Variants in KANSL1L observed in about 807,000 individuals in gnomAD.
KANSL1L encodes KAT8 regulatory NSL complex subunit 1 like.
A neutral mutation model predicts 108.6 loss-of-function variants in KANSL1L; 25 were observed. The ratio of observed to expected loss-of-function variants is 0.23; its 90% CI spans 0.17 to 0.32. The LOEUF (loss-of-function observed/expected upper bound fraction) is 0.32, where lower values mean the gene tolerates loss of function less well. Ranked by LOEUF, KANSL1L falls within the 10% of genes least tolerant of loss-of-function variation. KANSL1L has a pLI of 1.00. For missense variants in KANSL1L, 1,137 were observed against 1,125.7 expected, an observed-to-expected ratio of 1.01 and a Z score of -0.14; for synonymous variants, 405 against 395.1, an observed-to-expected ratio of 1.03 and a Z score of -0.30.
chr2:210,096,620 A>G (rs761197235), intron 5 of KANSL1L: 87 of 985,222 alleles, frequency 8.8e-5, no homozygotes, highest in Non-Finnish European at 1.0e-4. Context: ...TTATACACCA[A>G]TTTGATGTGT....
intron 1 of KANSL1L, among the ~76,000 whole-genome samples, chr2:210,164,696 C>G (rs2095377801): frequency 6.6e-6 from 1 of 151,826 alleles, no homozygotes; most frequent in Admixed American, 6.6e-5. Context: ...ATCAAACTTA[C>G]AGAATTTAAG....
chr2:210,075,786 G>A lies in KANSL1L; in HGVS notation c.1551-30C>T, dbSNP rs1458409069. ...AATGCCATGAAATAATTAGGGCGTG[G>A]GAAGGGAATAAAACAAAACAAAACA... On this transcript the variant is annotated intron_variant, in intron 5 of 14. Coordinates refer to ENST00000281772, the MANE Select transcript of KANSL1L (RefSeq NM_152519.4). 11 of 1,519,724 alleles carry A rather than the reference G, an allele frequency of 7.2e-6. No individual in the cohort carries two copies. The Middle Eastern group carries it at 5.3e-4, about 73-fold the overall frequency. 94.1% of individuals were successfully genotyped at this position (1,519,724 alleles called of 1,614,324 possible). A position where few individuals can be genotyped will look rare whatever the true frequency, so the allele number is the denominator to read the frequency against.
Position 210,023,000 on chromosome 2 carries a change from T to C in KANSL1L, c.2913A>G (p.Glu971=). The C allele has an allele frequency of 6.2e-7, 1 of 1,613,990 alleles. No homozygotes were observed. The highest frequency in any genetic ancestry group is 2.2e-5 in the East Asian group (1 of 44,866). ...GTCCTAGACCAAAGGTTTTGTATTCTTCCATTCCATCTGACTGCTTTTTTG... is the reference window on the plus strand; with the variant it reads ...GTCCTAGACCAAAGGTTTTGTATTCCTCCATTCCATCTGACTGCTTTTTTG... ...HHPKKQSDGM[E]EYKTFGLGLT... The change falls in exon 15 of 15, where the codon GAA becomes GAG. Residue 971 remains glutamate (E), a synonymous_variant. Transcript: ENST00000281772.
In KANSL1L at chr2:210,154,545, A is replaced by G; in HGVS notation, c.38T>C (p.Ile13Thr). Residue 13 changes from isoleucine to threonine, a missense_variant, in exon 2 of 15, where the codon ATC becomes ACC. Physicochemically the swap from Ile to Thr is moderately conservative, Grantham distance 89 (BLOSUM62 -1). Coordinates refer to ENST00000281772, the MANE Select transcript of KANSL1L (RefSeq NM_152519.4). ...PALREATAKG[I>T]SFSSLPSTME... ...GGTACTTGGCAAAGATGAAAAGCTG[A>G]TACCCTTTGCTGTTGCCTCCCTCAG... The G allele has an allele frequency of 1.3e-6, 2 of 1,564,250 alleles. No homozygotes were observed. Among genetic ancestry groups the G allele is most frequent in the Non-Finnish European group, 1.7e-6 (2 of 1,154,596 alleles).
At chr2:210,096,615 C>T (rs2094738195) in intron 5 of KANSL1L, 1 of 985,174 alleles carries the variant, frequency 1.0e-6, no homozygotes, top group Non-Finnish European at 1.2e-6. Context: ...AATGCTTATA[C>T]ACCAATTTGA....
Position 210,025,097 on chromosome 2 carries a change from A to C in KANSL1L, c.2564+7T>G. On this transcript the variant is annotated splice_region_variant and intron_variant, in intron 13 of 14. Transcript: ENST00000281772. ...CTATGGCTTGGGGTTTTAAATTTGT[A>C]ACCTGCCTGCTGTTTCTTCTGTGCC... is the stretch of plus-strand genomic sequence containing the variant. 2 of 1,563,904 alleles carry C rather than the reference A, an allele frequency of 1.3e-6. No homozygotes were observed. Among genetic ancestry groups the C allele is most frequent in the Non-Finnish European group, 1.8e-6 (2 of 1,134,190 alleles).
At chr2:210,039,025 CTA>C (rs2094137369) in intron 8 of KANSL1L, among the ~76,000 whole-genome samples, 1 of 151,874 alleles carries the variant, frequency 6.6e-6, no homozygotes, top group Admixed American at 6.5e-5. Context: ...CCTTCTGTCT[CTA>C]GGCTTTTTTT....
At chr2:210,136,255 GTCT>G (rs1310051149) in intron 2 of KANSL1L, among the ~76,000 whole-genome samples, 3 of 151,774 alleles carry the variant, frequency 2.0e-5, no homozygotes, top group Non-Finnish European at 4.4e-5. Context: ...GGCAAATTTA[GTCT>G]TCTTCTCTTA....
intron 7 of KANSL1L, 68 bp downstream of exon 7, chr2:210,043,871 T>C: frequency 2.9e-6 from 3 of 1,037,904 alleles, no homozygotes; most frequent in Non-Finnish European, 4.1e-6. Context: ...TTAGATTCTC[T>C]GTATTTAGAG....
At chr2:210,138,600 T>A (rs1022930158) in intron 2 of KANSL1L, among the ~76,000 whole-genome samples, 1 of 152,220 alleles carries the variant, frequency 6.6e-6, no homozygotes, top group African/African-American at 2.4e-5. Context: ...AAAATCTTTT[T>A]TAGCTTTATT....
chr2:210,023,473 T>G (rs768134382), intron 14 of KANSL1L, among the ~76,000 whole-genome samples: 21 of 152,214 alleles, frequency 1.4e-4, no homozygotes, highest in Non-Finnish European at 2.4e-4. Flanking sequence ...TTCTTAGGTT[T>G]GATATACTTC....
intron 2 of KANSL1L, chr2:210,153,016 TAACA>T (rs1184316959): frequency 2.0e-5 from 3 of 153,584 alleles, no homozygotes; most frequent in African/African-American, 4.8e-5. Context: ...CACAATAATT[TAACA>T]AACAAAACAT....
rs549606313 is a variant in KANSL1L at position 210,047,164 on chromosome 2, CTT to C, written c.1756-3062_1756-3061del. 7.2e-5 allele frequency among the ~76,000 whole-genome samples: 11 copies of C among 152,302 alleles called. No homozygotes were observed. In the South Asian group the frequency reaches 2.3e-3, roughly 32 times the overall value. On this transcript the variant is annotated intron_variant, in intron 6 of 14. Transcript: ENST00000281772. ...AGAGAGGGCTGATTGATACTAATCT[CTT>C]TATCAAAAGGCTCCTTGGCCATACC...
intron 2 of KANSL1L, among the ~76,000 whole-genome samples, chr2:210,129,950 T>C (rs1350013671): frequency 6.9e-6 from 1 of 145,334 alleles, no homozygotes; most frequent in Non-Finnish European, 1.5e-5. Context: ...GGATTACGGG[T>C]GGTATATGTG....
At chr2:210,119,581 C>G (rs926484888) in intron 3 of KANSL1L, among the ~76,000 whole-genome samples, 1 of 152,070 alleles carries the variant, frequency 6.6e-6, no homozygotes, top group African/African-American at 2.4e-5. Flanking sequence ...GAAAGAAGGA[C>G]AAAATCCATA....
At chr2:210,090,536 G>C (rs1179879725) in intron 5 of KANSL1L, among the ~76,000 whole-genome samples, 1 of 152,100 alleles carries the variant, frequency 6.6e-6, no homozygotes, top group Admixed American at 6.6e-5. Flanking sequence ...GTCCTGCTTT[G>C]TTGTTTTTGG....
At chr2:210,025,268 A>G (rs537712848) in intron 12 of KANSL1L, 52 bp from the exon 13 acceptor site, 20 of 1,160,832 alleles carry the variant, frequency 1.7e-5, no homozygotes, top group Non-Finnish European at 1.9e-5. Flanking sequence ...TTTGAAATAT[A>G]AGATCAGGCT....
chr2:210,085,360 TG>T (rs1455737829), intron 5 of KANSL1L, among the ~76,000 whole-genome samples: 1 of 152,126 alleles, frequency 6.6e-6, no homozygotes, highest in Admixed American at 6.5e-5. Flanking sequence ...TAAGAGTAGA[TG>T]GGGGAAAATA....
chr2:210,148,553 A>G (rs1015802402), intron 2 of KANSL1L, among the ~76,000 whole-genome samples: 5 of 152,202 alleles, frequency 3.3e-5, no homozygotes, highest in Admixed American at 1.3e-4. Context: ...CAAAAAACAT[A>G]AAGTCCCTCT....
Sources: gnomAD v4.1 joint callset for allele counts (sites outside exome capture counted in the v4.1 genomes callset) on GRCh38, gnomAD v4.1.1 for gene constraint, MANE v1.5 for transcripts, NCBI Gene and HGNC (gene_info 2026-07-23, HGNC 2026-07-21) for gene names.